The following OXR1 variants were observed in gnomAD, a reference collection of about 807,000 sequenced individuals.
OXR1 encodes the protein oxidation resistance protein 1.
In OXR1, 41 loss-of-function variants were observed where a neutral mutation model predicts 104.6. That is an observed-to-expected ratio of 0.39 (90% CI 0.31 to 0.51). The LOEUF is 0.51. Among genes scored for constraint, OXR1 ranks in the 20% least tolerant of loss-of-function variants. The pLI, the probability that OXR1 is intolerant of heterozygous loss-of-function variation, is 0.77. For missense variants in OXR1, 955 were observed against 1,031.9 expected (o/e 0.93, Z 1.02); for synonymous variants, 348 against 348.4 (o/e 1.00, Z 0.01).
At position 106,329,923 on chromosome 8, in the gene OXR1, A is replaced by G. The variant is rs527689485; in HGVS notation, c.-138-29553A>G. Among the ~76,000 whole-genome samples the G allele has an allele frequency of 1.6e-4, 24 of 152,288 alleles. 1 individual carries two copies. In the South Asian group the frequency reaches 4.4e-3, roughly 28 times the overall value. On this transcript the variant is annotated intron_variant, in intron 1 of 16. Transcript: ENST00000517566. ...TGTGAGAACTCAATTCAAAAAAAAAAAAAGTGACATATTCACCACAGCATT... is the reference window on the plus strand; with the variant it reads ...TGTGAGAACTCAATTCAAAAAAAAAGAAAGTGACATATTCACCACAGCATT...
intron 3 of OXR1, among the ~76,000 whole-genome samples, chr8:106,646,613 A>T (rs1440335659): frequency 6.6e-6 from 1 of 152,050 alleles, no homozygotes; most frequent in Non-Finnish European, 1.5e-5. Context: ...GTGAAGACCC[A>T]TTATAGAATT....
At chr8:106,298,169 G>A (rs1813081052) in intron 1 of OXR1, among the ~76,000 whole-genome samples, 1 of 152,084 alleles carries the variant, frequency 6.6e-6, no homozygotes, top group Admixed American at 6.6e-5. Context: ...CTTACAATAG[G>A]AATCTGTATT....
intron 3 of OXR1, among the ~76,000 whole-genome samples, chr8:106,584,493 C>A (rs956429947): frequency 6.6e-6 from 1 of 152,108 alleles, no homozygotes; most frequent in African/African-American, 2.4e-5. Context: ...AGAAAAGATT[C>A]TTAAATCATG....
intron 3 of OXR1, among the ~76,000 whole-genome samples, chr8:106,520,934 C>G (rs569397383): frequency 6.6e-6 from 1 of 152,262 alleles, no homozygotes; most frequent in South Asian, 2.1e-4. Flanking sequence ...AAATAGAAGT[C>G]TCAAAAGGGG....
chr8:106,311,529 A>G (rs1014502752), intron 1 of OXR1, among the ~76,000 whole-genome samples: 5 of 152,182 alleles, frequency 3.3e-5, no homozygotes, highest in African/African-American at 1.2e-4. Context: ...TTTACTCAGA[A>G]AGGAATATTC....
chr8:106,536,516 A>G lies in OXR1; in HGVS notation c.220+17377A>G, dbSNP rs370700602. Among the ~76,000 whole-genome samples, 27 of 152,338 alleles carry G rather than the reference A, an allele frequency of 1.8e-4. No homozygotes were observed. The East Asian group carries it at 4.1e-3, about 23-fold the overall frequency. Reference sequence around the variant, plus strand: ...GATAGTTGCCAAAGGGAAATTGCTAAAGGACATGTGTCTCCATGAACATAG... The same window carrying G: ...GATAGTTGCCAAAGGGAAATTGCTAGAGGACATGTGTCTCCATGAACATAG... On this transcript the variant is annotated intron_variant, in intron 3 of 16. Transcript: ENST00000517566.
chr8:106,331,919 C>T (rs1043520650), intron 1 of OXR1, among the ~76,000 whole-genome samples: 1 of 145,060 alleles, frequency 6.9e-6, no homozygotes, highest in Non-Finnish European at 1.5e-5. Flanking sequence ...GCCTGGGTGA[C>T]AGCGAGACTC....
At chr8:106,486,717 G>T (rs1810682600) in intron 2 of OXR1, among the ~76,000 whole-genome samples, 1 of 151,858 alleles carries the variant, frequency 6.6e-6, no homozygotes, top group Non-Finnish European at 1.5e-5. Context: ...TTATATTCCT[G>T]TTTAATTTAC....
chr8:106,726,207 C>A lies in OXR1; in HGVS notation c.1957-11313C>A, dbSNP rs748894577. The A allele has an allele frequency of 1.2e-5, 18 of 1,511,130 alleles. No homozygotes were observed. The African/African-American group carries it at 2.2e-4, about 19-fold the overall frequency. 93.6% of individuals were successfully genotyped at this position (1,511,130 alleles called of 1,614,324 possible). On this transcript the variant is annotated intron_variant, in intron 11 of 16. Transcript: ENST00000517566. ...AGAATGCTTTTGAAAACAGTTCTTA[C>A]GTGATTTTATGTAACTTAATTTGCC...
intron 2 of OXR1, among the ~76,000 whole-genome samples, chr8:106,474,084 TC>T (rs1416121660): frequency 6.7e-6 from 1 of 148,890 alleles, no homozygotes; most frequent in African/African-American, 2.5e-5. Flanking sequence ...ATGCTAATGT[TC>T]CCTTAGGACT....
chr8:106,605,138 G>A (rs1159934791), intron 3 of OXR1: 1 of 152,206 alleles, frequency 6.6e-6, no homozygotes, highest in East Asian at 1.9e-4. Flanking sequence ...CTGAAAACAT[G>A]TGGCTGACAA....
At chr8:106,445,534 A>G (rs1434547877) in intron 2 of OXR1, among the ~76,000 whole-genome samples, 2 of 152,190 alleles carry the variant, frequency 1.3e-5, no homozygotes, top group Non-Finnish European at 2.9e-5. Flanking sequence ...TAGCCTCATT[A>G]CCATGCCTGT....
rs558927346 is a variant in OXR1, at chr8:106,602,892, A to G, written c.221-76318A>G. Among the ~76,000 whole-genome samples, 466 of 151,704 alleles carry G rather than the reference A, an allele frequency of 3.1e-3. 4 individuals are homozygous for G. The highest frequency in any genetic ancestry group is 4.4e-3 in the Non-Finnish European group (298 of 67,846). Reference sequence around the variant, plus strand: ...TTTGTTTTGTTTGTTTTTTGCTTTTATGTTGTCCTAGTGAATATTCTTATC... The same window carrying G: ...TTTGTTTTGTTTGTTTTTTGCTTTTGTGTTGTCCTAGTGAATATTCTTATC... On this transcript the variant is annotated intron_variant, in intron 3 of 16. Coordinates refer to ENST00000517566, the MANE Select transcript of OXR1 (RefSeq NM_001198533.2).
intron 2 of OXR1, among the ~76,000 whole-genome samples, chr8:106,422,239 C>T (rs1186742762): frequency 6.6e-6 from 1 of 152,070 alleles, no homozygotes; most frequent in African/African-American, 2.4e-5. Flanking sequence ...TGCTAAAATT[C>T]TGTAAGTCAG....
intron 2 of OXR1, among the ~76,000 whole-genome samples, chr8:106,460,962 A>C (rs980947831): frequency 2.0e-5 from 3 of 151,788 alleles, no homozygotes; most frequent in Non-Finnish European, 4.4e-5. Flanking sequence ...AATCTATATT[A>C]GTTATATATT....
chr8:106,490,868 G>T (rs1811039494), intron 2 of OXR1, among the ~76,000 whole-genome samples: 1 of 152,154 alleles, frequency 6.6e-6, no homozygotes, highest in South Asian at 2.1e-4. Context: ...GGAGGGGGGA[G>T]CTGTAGGAGA....
chr8:106,405,492 G>A (rs1202044213), intron 2 of OXR1, among the ~76,000 whole-genome samples: 11 of 152,052 alleles, frequency 7.2e-5, no homozygotes, highest in Admixed American at 2.0e-4. Flanking sequence ...CCCTTGAATA[G>A]GGGCAGACTT....
rs368337844 is a variant in OXR1 at position 106,346,415 on chromosome 8, A to G, written c.-138-13061A>G. Reference sequence around the variant, plus strand: ...CTAAAACTTGGTTGAAAAAGGAAGCATTCAGTCATTTTTCAAGGAGTCATT... The same window carrying G: ...CTAAAACTTGGTTGAAAAAGGAAGCGTTCAGTCATTTTTCAAGGAGTCATT... On this transcript the variant is annotated intron_variant, in intron 1 of 16. Transcript: ENST00000517566. 8.5e-5 allele frequency among the ~76,000 whole-genome samples: 13 copies of G among 152,268 alleles called. No individual in the cohort carries two copies. The South Asian group carries it at 2.3e-3, about 27-fold the overall frequency.
chr8:106,725,604 G>A (rs1044705175), intron 11 of OXR1, among the ~76,000 whole-genome samples: 11 of 152,194 alleles, frequency 7.2e-5, no homozygotes, highest in Non-Finnish European at 1.2e-4. Flanking sequence ...AACAGACTGT[G>A]TAACAGGCAG....
Sources: gnomAD v4.1 joint callset for allele counts (sites outside exome capture counted in the v4.1 genomes callset) on GRCh38, gnomAD v4.1.1 for gene constraint, MANE v1.5 for transcripts, NCBI Gene and HGNC (gene_info 2026-07-23, HGNC 2026-07-21) for gene names.